Variants in TMEM120A observed in about 807,000 individuals in gnomAD.
TMEM120A encodes the protein ion channel TACAN.
TMEM120A carries 45 observed loss-of-function variants against 54.3 expected under a neutral mutation model. The ratio of observed to expected loss-of-function variants is 0.83; its 90% CI spans 0.65 to 1.06. The LOEUF (loss-of-function observed/expected upper bound fraction) is 1.06, where lower values mean the gene tolerates loss of function less well. Among genes scored for constraint, TMEM120A ranks in the 50% least tolerant of loss-of-function variants. TMEM120A has a pLI of 0.00. For synonymous variants in TMEM120A, 204 were observed against 178.5 expected, an observed-to-expected ratio of 1.14 and a Z score of -1.14; for missense variants, 424 against 441.7, an observed-to-expected ratio of 0.96 and a Z score of 0.36.
At chr7:75,992,326 G>A in intron 2 of TMEM120A, 66 bp from the exon 3 acceptor site, 1 of 1,557,630 alleles carries the variant, frequency 6.4e-7, no homozygotes. Context: ...ACTCCCACAG[G>A]GGCAGAAGGG....
chr7:75,993,346 C>T (rs556605111), intron 1 of TMEM120A, among the ~76,000 whole-genome samples: 1 of 152,356 alleles, frequency 6.6e-6, no homozygotes, highest in African/African-American at 2.4e-5. Flanking sequence ...AGGTTTCAAC[C>T]CTAGAGCCTC....
chr7:75,989,279 G>A, intron 3 of TMEM120A, 55 bp from the exon 4 acceptor site: 5 of 1,203,570 alleles, frequency 4.2e-6, no homozygotes, highest in South Asian at 3.9e-5. Flanking sequence ...CAAGCCACCG[G>A]TACTCAGCCA....
chr7:75,992,411 C>T, intron 2 of TMEM120A, 28 bp downstream of exon 2: 2 of 1,580,554 alleles, frequency 1.3e-6, no homozygotes, highest in Middle Eastern at 1.9e-4. Flanking sequence ...ACACTCTGCC[C>T]ATGGCGGGTG....
chr7:75,989,949 G>C (rs1456728221), intron 3 of TMEM120A, among the ~76,000 whole-genome samples: 1 of 152,172 alleles, frequency 6.6e-6, no homozygotes, highest in Non-Finnish European at 1.5e-5. Flanking sequence ...TGACAGCAAA[G>C]TCACGGTCAC....
Position 75,992,479 on chromosome 7 carries a change from G to C in TMEM120A, c.160C>G (p.Gln54Glu), listed in dbSNP as rs1394483896. ...GCCAGCTCCTGGAGCCGCTTCTTCTGCCGCGTGATGGAGCTGGTGCAATTG... is the reference window on the plus strand; with the variant it reads ...GCCAGCTCCTGGAGCCGCTTCTTCTCCCGCGTGATGGAGCTGGTGCAATTG... ...QNNCTSSITR[Q>E]KKRLQELALA... The change falls in exon 2 of 12, where the codon CAG becomes GAG. Residue 54 changes from glutamine to glutamate, a missense_variant. Transcript: ENST00000493111. 6 of 1,598,188 alleles carry C rather than the reference G, an allele frequency of 3.8e-6. No individual in the cohort carries two copies. The African/African-American group carries it at 8.0e-5, about 21-fold the overall frequency.
At position 75,987,396 on chromosome 7, in the gene TMEM120A, GAAC is replaced by G. The variant is rs1789563261; in HGVS notation, c.879_881del (p.Leu293del). On this transcript the variant is annotated inframe_deletion, in exon 11 of 12. Coordinates refer to ENST00000493111, the MANE Select transcript of TMEM120A (RefSeq NM_031925.3). ...TGCACTGAGGGTCCTGGGCCAGGTT[GAAC>G]AACGTCAGCGCGTTAAAAAGCTGCC... 1 of 1,565,888 alleles carries G rather than the reference GAAC, an allele frequency of 6.4e-7. No homozygotes were observed. The highest frequency in any genetic ancestry group is 8.7e-7 in the Non-Finnish European group (1 of 1,155,776).
Position 75,987,036 on chromosome 7 carries a change from G to A in TMEM120A, c.*136C>T. On this transcript the variant is annotated 3_prime_UTR_variant, in exon 12 of 12. Coordinates refer to ENST00000493111, the MANE Select transcript of TMEM120A (RefSeq NM_031925.3). Reference sequence around the variant, plus strand: ...GCACTGGGCCCAGGTCTTCCTTCAGGGCCCACAGCGCCCATAAAACCCAAG... The same window carrying A: ...GCACTGGGCCCAGGTCTTCCTTCAGAGCCCACAGCGCCCATAAAACCCAAG... The A allele has an allele frequency of 1.4e-6, 1 of 740,410 alleles. No individual in the cohort carries two copies. The highest frequency in any genetic ancestry group is 1.8e-5 in the South Asian group (1 of 56,090). The allele number at this position is 740,410 out of a possible 1,614,324, so 45.9% of individuals were successfully genotyped here.
At chr7:75,989,445 G>A (rs531922689) in intron 3 of TMEM120A, among the ~76,000 whole-genome samples, 46 of 151,472 alleles carry the variant, frequency 3.0e-4, no homozygotes, top group African/African-American at 1.1e-3. Context: ...GACCCCCGGA[G>A]GAAACAGTGT....
rs782390205 is a variant in TMEM120A at position 75,992,130 on chromosome 7, G to T, written c.317+14C>A. The T allele has an allele frequency of 6.4e-7, 1 of 1,571,624 alleles. No homozygotes were observed. The highest frequency in any genetic ancestry group is 8.7e-7 in the Non-Finnish European group (1 of 1,154,102). ...GCTGTGAACTGAGCTGGGGGTGGCG[G>T]TGGGGGCCCTCACCCATTCTTCTTA... is the stretch of plus-strand genomic sequence containing the variant. On this transcript the variant is annotated intron_variant, in intron 3 of 11. Coordinates refer to ENST00000493111, the MANE Select transcript of TMEM120A (RefSeq NM_031925.3).
Position 75,987,350 on chromosome 7 carries a change from C to G in TMEM120A, c.918+10G>C. The G allele has an allele frequency of 6.4e-7, 1 of 1,561,124 alleles. No homozygotes were observed. The highest frequency in any genetic ancestry group is 8.7e-7 in the Non-Finnish European group (1 of 1,153,842). Reference sequence around the variant, plus strand: ...CCCCCCATCCATCCTGTCCAGGGACCCCGGCTCACCTGCCACTCCTTGCAC... The same window carrying G: ...CCCCCCATCCATCCTGTCCAGGGACGCCGGCTCACCTGCCACTCCTTGCAC... On this transcript the variant is annotated intron_variant, in intron 11 of 11. Transcript: ENST00000493111.
At chr7:75,989,553 C>T (rs1221136015) in intron 3 of TMEM120A, among the ~76,000 whole-genome samples, 4 of 151,226 alleles carry the variant, frequency 2.6e-5, no homozygotes, top group Non-Finnish European at 2.9e-5. Flanking sequence ...CCCCTGTCCC[C>T]GATTGCTCCC....
intron 1 of TMEM120A, among the ~76,000 whole-genome samples, chr7:75,993,310 ATCT>A (rs781950123): frequency 1.6e-4 from 24 of 152,318 alleles, no homozygotes; most frequent in Admixed American, 1.1e-3. Flanking sequence ...AATCCCTGAC[ATCT>A]TCTTCCCAGG....
chr7:75,990,008 C>G (rs1045410325), intron 3 of TMEM120A, among the ~76,000 whole-genome samples: 2 of 152,178 alleles, frequency 1.3e-5, no homozygotes, highest in Admixed American at 1.3e-4. Context: ...ACACTCAAGC[C>G]AAACAGACAG....
At chr7:75,994,357 C>T in intron 1 of TMEM120A, 133 bp downstream of exon 1, 2 of 753,050 alleles carry the variant, frequency 2.7e-6, no homozygotes, top group Non-Finnish European at 4.3e-6. Context: ...GCCTCGCCCC[C>T]CTTGGCAGTG....
In TMEM120A at chr7:75,987,208, C is replaced by CTT. The variant is rs782163344; in HGVS notation, c.994_995dup (p.Phe333SerfsTer77). On this transcript the variant is annotated frameshift_variant, in exon 12 of 12. Coordinates refer to ENST00000493111, the MANE Select transcript of TMEM120A (RefSeq NM_031925.3). LOFTEE classifies it high-confidence loss of function. ...TGCTCCCGTGCCGCTGACTGTGAAACTTGTGGTGCACAACCCTCAGGGTGG... is the reference window on the plus strand; with the variant it reads ...TGCTCCCGTGCCGCTGACTGTGAAACTTTTGTGGTGCACAACCCTCAGGGTGG... 1.2e-6 allele frequency: 2 copies of CTT among 1,608,398 alleles called. No homozygotes were observed. The highest frequency in any genetic ancestry group is 1.7e-6 in the Non-Finnish European group (2 of 1,178,048).
intron 3 of TMEM120A, 28 bp downstream of exon 3, chr7:75,992,114 TGA>T (rs1554561929): frequency 5.3e-6 from 8 of 1,510,090 alleles, no homozygotes; most frequent in Non-Finnish European, 7.2e-6. Flanking sequence ...GGCTGTGAAC[TGA>T]GCTGGGGGTG....
At position 75,988,531 on chromosome 7, in the gene TMEM120A, C is replaced by A; in HGVS notation, c.378-15G>T. ...TGTAGGCAAACCTGGGGGGCGCAGG[C>A]CGGTGAGACGGGTGGGGTGCTGGTG... On this transcript the variant is annotated splice_polypyrimidine_tract_variant and intron_variant, in intron 4 of 11. Transcript: ENST00000493111. 6.3e-7 allele frequency: 1 copy of A among 1,590,994 alleles called. No homozygotes were observed. The highest frequency in any genetic ancestry group is 2.3e-5 in the East Asian group (1 of 44,318).
Position 75,993,372 on chromosome 7 carries a change from C to A in TMEM120A, c.82-815G>T, listed in dbSNP as rs1789921150. Among the ~76,000 whole-genome samples the A allele has an allele frequency of 4.6e-5, 7 of 152,258 alleles. No individual in the cohort carries two copies. The South Asian group carries it at 1.4e-3, about 31-fold the overall frequency. On this transcript the variant is annotated intron_variant, in intron 1 of 11. Coordinates refer to ENST00000493111, the MANE Select transcript of TMEM120A (RefSeq NM_031925.3). ...CTAGAGCCTCCTGCTCTAAGGCCAG[C>A]CCCACTCCCTTCCCCTAGCACCTTT...
intron 3 of TMEM120A, among the ~76,000 whole-genome samples, chr7:75,989,823 A>T (rs2116665362): frequency 6.6e-6 from 1 of 151,972 alleles, no homozygotes; most frequent in East Asian, 1.9e-4. Flanking sequence ...GAGCTGGCTG[A>T]GTCCCCAGGC....
Sources: gnomAD v4.1 joint callset for allele counts (sites outside exome capture counted in the v4.1 genomes callset) on GRCh38, gnomAD v4.1.1 for gene constraint, MANE v1.5 for transcripts, NCBI Gene and HGNC (gene_info 2026-07-23, HGNC 2026-07-21) for gene names.